Variants in FHOD3 observed in about 807,000 individuals in gnomAD.
FHOD3 encodes the protein FH1/FH2 domain-containing protein 3.
FHOD3 carries 90 observed loss-of-function variants against 173.0 expected under a neutral mutation model. The observed-to-expected ratio is 0.52, with a 90% CI of 0.44 to 0.62. The LOEUF is 0.62. Ranked by LOEUF, FHOD3 falls within the 20% of genes least tolerant of loss-of-function variation. The probability of loss-of-function intolerance (pLI) is 0.00; values close to 1 mark genes in which losing one functional copy is unlikely to be tolerated. For synonymous variants in FHOD3, 828 were observed against 823.0 expected (o/e 1.01, Z -0.10); for missense variants, 1,945 against 2,034.7 (o/e 0.96, Z 0.85).
intron 3 of FHOD3, among the ~76,000 whole-genome samples, chr18:36,484,781 G>C (rs1259704872): frequency 6.6e-6 from 1 of 152,172 alleles, no homozygotes; most frequent in East Asian, 1.9e-4. Flanking sequence ...GGGCCCTGCT[G>C]TCGGACCACA....
At chr18:36,384,449 T>C (rs2047931254) in intron 3 of FHOD3, among the ~76,000 whole-genome samples, 1 of 151,440 alleles carries the variant, frequency 6.6e-6, no homozygotes, top group African/African-American at 2.4e-5. Flanking sequence ...TAGATGCCTA[T>C]AATCCCAGCT....
intron 18 of FHOD3, among the ~76,000 whole-genome samples, chr18:36,715,076 G>A (rs1482518848): frequency 6.6e-6 from 1 of 152,180 alleles, no homozygotes; most frequent in African/African-American, 2.4e-5. Context: ...TGAGGCCCTG[G>A]AAAGCTGATG....
intron 3 of FHOD3, among the ~76,000 whole-genome samples, chr18:36,489,528 C>T (rs2054357790): frequency 6.6e-6 from 1 of 152,064 alleles, no homozygotes; most frequent in Admixed American, 6.6e-5. Flanking sequence ...AAAAATTAGC[C>T]AGGCATGGTG....
At chr18:36,515,241 A>G (rs918880406) in intron 5 of FHOD3, among the ~76,000 whole-genome samples, 1 of 152,074 alleles carries the variant, frequency 6.6e-6, no homozygotes, top group African/African-American at 2.4e-5. Context: ...ATTTTGAGAC[A>G]GAGTCTCGCT....
At chr18:36,646,121 A>G (rs538297216) in intron 10 of FHOD3, among the ~76,000 whole-genome samples, 5 of 152,330 alleles carry the variant, frequency 3.3e-5, no homozygotes, top group African/African-American at 1.2e-4. Flanking sequence ...AGGTAAAGCC[A>G]TCATTATTTA....
intron 6 of FHOD3, among the ~76,000 whole-genome samples, chr18:36,584,901 A>G: frequency 6.6e-6 from 1 of 152,228 alleles, no homozygotes; most frequent in East Asian, 1.9e-4. Flanking sequence ...AAAACTTTAG[A>G]AATACAAAAA....
At chr18:36,737,946 A>C (rs1003536069) in intron 20 of FHOD3, among the ~76,000 whole-genome samples, 1 of 152,228 alleles carries the variant, frequency 6.6e-6, no homozygotes, top group African/African-American at 2.4e-5. Context: ...TCAGGATTTA[A>C]AACAGTCCCA....
At chr18:36,582,565 G>A (rs2058890731) in intron 6 of FHOD3, among the ~76,000 whole-genome samples, 1 of 152,154 alleles carries the variant, frequency 6.6e-6, no homozygotes, top group African/African-American at 2.4e-5. Flanking sequence ...GCATTGTTTT[G>A]TTGAACAAGA....
At chr18:36,651,325 T>C (rs2036035968) in intron 11 of FHOD3, among the ~76,000 whole-genome samples, 1 of 152,242 alleles carries the variant, frequency 6.6e-6, no homozygotes, top group Non-Finnish European at 1.5e-5. Flanking sequence ...GAGAGAGGAC[T>C]GGAAAAATGC....
chr18:36,391,195 G>C (rs2146473548), intron 3 of FHOD3, among the ~76,000 whole-genome samples: 1 of 152,318 alleles, frequency 6.6e-6, no homozygotes, highest in South Asian at 2.1e-4. Context: ...GTGCAGACCT[G>C]CAGTTTGCTG....
intron 3 of FHOD3, among the ~76,000 whole-genome samples, chr18:36,470,762 G>T (rs1344577528): frequency 1.3e-5 from 2 of 152,212 alleles, no homozygotes; most frequent in Non-Finnish European, 2.9e-5. Context: ...CCCGCTCCGC[G>T]CTGGGATATT....
intron 2 of FHOD3, among the ~76,000 whole-genome samples, chr18:36,357,415 T>G (rs28682509): frequency 1.3e-5 from 2 of 152,180 alleles, no homozygotes; most frequent in African/African-American, 4.8e-5. Flanking sequence ...ATTGCCAGAA[T>G]GGATTCCTGA....
intron 5 of FHOD3, among the ~76,000 whole-genome samples, chr18:36,528,266 CAGAGGCTGTCTGTGCAT>C (rs747955653): frequency 8.5e-5 from 13 of 152,146 alleles, no homozygotes; most frequent in Non-Finnish European, 1.8e-4. Flanking sequence ...TGAGCATAGC[CAGAGGCTGTCTGTGCAT>C]GTGTGGATGA....
chr18:36,644,126 T>G (rs937290105), intron 10 of FHOD3, among the ~76,000 whole-genome samples: 2 of 152,114 alleles, frequency 1.3e-5, no homozygotes, highest in African/African-American at 4.8e-5. Flanking sequence ...TGGGACTGTT[T>G]GCGGTGAAAA....
In FHOD3 at chr18:36,769,378, C is replaced by T. The variant is rs1161988816; in HGVS notation, c.4738C>T (p.Arg1580Ter). 8.1e-6 allele frequency: 13 copies of T among 1,614,048 alleles called. No individual in the cohort carries two copies. The highest frequency in any genetic ancestry group is 1.1e-5 in the South Asian group (1 of 91,072). ...GTCAGCCACCCAAGTGCCCAGTCAG[C>T]GAGTGGTGCCGAGGGAGAGGAAACG... Reference protein sequence around the residue: ...VKSATQVPSQRVVPRERKRSR... With the variant: ...VKSATQVPSQ The change falls in exon 28 of 29, where the codon CGA (arginine) becomes TGA (stop). Residue 1580 changes from arginine (R) to a stop codon, truncating the protein, a stop_gained. Coordinates refer to ENST00000590592, the MANE Select transcript of FHOD3 (RefSeq NM_001281740.3). LOFTEE classifies it high-confidence loss of function.
At chr18:36,436,782 A>G (rs929902303) in intron 3 of FHOD3, among the ~76,000 whole-genome samples, 1 of 152,226 alleles carries the variant, frequency 6.6e-6, no homozygotes, top group Non-Finnish European at 1.5e-5. Flanking sequence ...AGCTACTGAA[A>G]GATTCAAGGT....
At chr18:36,714,069 G>C (rs1419539930) in intron 18 of FHOD3, among the ~76,000 whole-genome samples, 1 of 152,156 alleles carries the variant, frequency 6.6e-6, no homozygotes, top group Non-Finnish European at 1.5e-5. Context: ...AAAAAAAGTT[G>C]AGAAAAGATA....
rs116367276 is a variant in FHOD3 at position 36,473,472 on chromosome 18, C to T, written c.338-28460C>T. Reference sequence around the variant, plus strand: ...GCTGAATCAGAACCTACATTTGTCACCCAATTCCTGATCCCTGGGTGATGA... The same window carrying T: ...GCTGAATCAGAACCTACATTTGTCATCCAATTCCTGATCCCTGGGTGATGA... On this transcript the variant is annotated intron_variant, in intron 3 of 28. Coordinates refer to ENST00000590592, the MANE Select transcript of FHOD3 (RefSeq NM_001281740.3). Among the ~76,000 whole-genome samples, 457 of 152,312 alleles carry T rather than the reference C, an allele frequency of 3.0e-3. 2 individuals carry two copies. The highest frequency in any genetic ancestry group is 0.01 in the African/African-American group (419 of 41,566).
intron 1 of FHOD3, among the ~76,000 whole-genome samples, chr18:36,300,730 A>G (rs2091938229): frequency 6.7e-6 from 1 of 148,874 alleles, no homozygotes; most frequent in Admixed American, 6.8e-5. Flanking sequence ...GAGGGAGTCA[A>G]CTTTTTTTTT....
Sources: allele counts gnomAD v4.1 joint callset (sites outside exome capture counted in the v4.1 genomes callset), GRCh38; gene constraint gnomAD v4.1.1; transcripts MANE v1.5; gene names NCBI Gene and HGNC (gene_info 2026-07-23, HGNC 2026-07-21).